The following SMARCA2 variants were observed in gnomAD, a reference collection of about 807,000 sequenced individuals.
SMARCA2 encodes the protein SWI/SNF-related matrix-associated actin-dependent regulator of chromatin subfamily A member 2.
A neutral mutation model predicts 199.8 loss-of-function variants in SMARCA2; 61 were observed. The ratio of observed to expected loss-of-function variants is 0.31; its 90% CI spans 0.25 to 0.38. The LOEUF (loss-of-function observed/expected upper bound fraction) is 0.38, where lower values mean the gene tolerates loss of function less well. Ranked by LOEUF, SMARCA2 falls within the 10% of genes least tolerant of loss-of-function variation. The pLI, the probability that SMARCA2 is intolerant of heterozygous loss-of-function variation, is 1.00. For missense variants in SMARCA2, 1,344 were observed against 2,012.2 expected (o/e 0.67, Z 6.35); for synonymous variants, 935 against 732.0 (o/e 1.28, Z -4.48).
At chr9:2,180,266 T>C (rs1197405657) in intron 29 of SMARCA2, among the ~76,000 whole-genome samples, 1 of 152,164 alleles carries the variant, frequency 6.6e-6, no homozygotes, top group Non-Finnish European at 1.5e-5. Context: ...GATGACCCAG[T>C]GTAGCAGAAA....
intron 3 of SMARCA2, among the ~76,000 whole-genome samples, chr9:2,034,303 GT>G (rs1338913576): frequency 6.6e-6 from 1 of 151,964 alleles, no homozygotes; most frequent in African/African-American, 2.4e-5. Flanking sequence ...GGTACTGGGG[GT>G]TAGGACTTCA....
In SMARCA2 at chr9:2,160,322, T is replaced by C. The variant is rs74835462; in HGVS notation, c.3982-1364T>C. 833 of 443,582 alleles carry C rather than the reference T, an allele frequency of 1.9e-3. 2 individuals carry two copies. The highest frequency in any genetic ancestry group is 8.4e-3 in the Middle Eastern group (14 of 1,674). The allele number at this position is 443,582 out of a possible 1,614,324, so 27.5% of individuals were successfully genotyped here. A position where few individuals can be genotyped will look rare whatever the true frequency, so the allele number is the denominator to read the frequency against. On this transcript the variant is annotated intron_variant, in intron 27 of 33. Transcript: ENST00000349721. ...CGTGATGGAAATTGTCTTTTGATTATTAAGGCCTAGGCTCAGACTGTCCCT... is the reference window on the plus strand; with the variant it reads ...CGTGATGGAAATTGTCTTTTGATTACTAAGGCCTAGGCTCAGACTGTCCCT...
chr9:2,191,777 G>C lies in SMARCA2; in HGVS notation c.4737+369G>C, dbSNP rs374779307. ...GTACATAACAGTAGATTAGATGGAA[G>C]AATGAGAAAAACTGTTATGACGTCA... On this transcript the variant is annotated intron_variant, in intron 33 of 33. Transcript: ENST00000349721. 4.1e-4 allele frequency: 66 copies of C among 160,948 alleles called. 1 individual carries two copies. The East Asian group carries it at 6.0e-3, about 15-fold the overall frequency. The allele number at this position is 160,948 out of a possible 1,614,324, so 10.0% of individuals were successfully genotyped here.
chr9:2,066,504 A>C (rs549175710), intron 9 of SMARCA2, among the ~76,000 whole-genome samples: 1 of 152,348 alleles, frequency 6.6e-6, no homozygotes, highest in African/African-American at 2.4e-5. Context: ...GGGAACACAC[A>C]CTGTCTTTAG....
intron 19 of SMARCA2, among the ~76,000 whole-genome samples, chr9:2,092,851 T>G (rs747114889): frequency 6.6e-6 from 1 of 152,180 alleles, no homozygotes; most frequent in Non-Finnish European, 1.5e-5. Flanking sequence ...ACCAGTATAT[T>G]TTGAGGAGCT....
At chr9:2,065,708 T>TA (rs1820810403) in intron 9 of SMARCA2, among the ~76,000 whole-genome samples, 1 of 152,200 alleles carries the variant, frequency 6.6e-6, no homozygotes, top group South Asian at 2.1e-4. Flanking sequence ...TCATTTTTTT[T>TA]AATCTCTTAC....
chr9:2,143,065 C>T (rs1320319019), intron 27 of SMARCA2, among the ~76,000 whole-genome samples: 1 of 151,974 alleles, frequency 6.6e-6, no homozygotes, highest in East Asian at 1.9e-4. Flanking sequence ...AATTAAACAA[C>T]CTGGATAAAA....
At position 2,039,626 on chromosome 9, in the gene SMARCA2, A is replaced by C; in HGVS notation, c.516A>C (p.Ser172=). 6.2e-7 allele frequency: 1 copy of C among 1,614,124 alleles called. No homozygotes were observed. Among genetic ancestry groups the C allele is most frequent in the Non-Finnish European group, 8.5e-7 (1 of 1,180,044 alleles). Residue 172 remains serine, a synonymous_variant, in exon 4 of 34, where the codon TCA becomes TCC. Transcript: ENST00000349721. This position sits in a 1 kb window ranked among gnomAD's most constrained non-coding sequence, Gnocchi z 4.8. Reference sequence around the variant, plus strand: ...TGAGCCAGCCCAACAGAGGTCCCTCACCTTTCAGTCCTGTCCAGCTGCATC... The same window carrying C: ...TGAGCCAGCCCAACAGAGGTCCCTCCCCTTTCAGTCCTGTCCAGCTGCATC... ...QAMSQPNRGP[S]PFSPVQLHQL...
At chr9:2,108,800 C>T (rs147097761) in intron 23 of SMARCA2, among the ~76,000 whole-genome samples, 1 of 152,330 alleles carries the variant, frequency 6.6e-6, no homozygotes, top group East Asian at 1.9e-4. Flanking sequence ...AAGAGCCCCA[C>T]ATTTGAAAGC....
rs1823352646 is a variant in SMARCA2, at chr9:2,119,393, CACTT to C, written c.3685-60_3685-57del. On this transcript the variant is annotated intron_variant, in intron 25 of 33. Transcript: ENST00000349721. This position sits in a 1 kb window ranked among gnomAD's most constrained non-coding sequence, Gnocchi z 4.6. The stretch of plus-strand genomic sequence containing the variant: ...GACCCCTCTGGTCTGGAGGACAGAT[CACTT>C]ACTTGTTTGTACCTTGCCCCAGCTG... 7.7e-6 allele frequency: 8 copies of C among 1,035,424 alleles called. No homozygotes were observed. Among genetic ancestry groups the C allele is most frequent in the South Asian group, 5.1e-5 (4 of 78,654 alleles). 64.1% of individuals were successfully genotyped at this position (1,035,424 alleles called of 1,614,324 possible). A position where few individuals can be genotyped will look rare whatever the true frequency, so the allele number is the denominator to read the frequency against.
chr9:2,089,356 G>A lies in SMARCA2; in HGVS notation c.2883+743G>A, dbSNP rs538238824. ...GTTTCATTCTCTTAGAGACAGTTTA[G>A]CATTGTGTACTATTTGTTGCATGAG... On this transcript the variant is annotated intron_variant, in intron 19 of 33. Transcript: ENST00000349721. Among the ~76,000 whole-genome samples, 5 of 152,224 alleles carry A rather than the reference G, an allele frequency of 3.3e-5. No homozygotes were observed. The South Asian group carries it at 1.0e-3, about 32-fold the overall frequency.
chr9:2,056,935 C>A lies in SMARCA2; in HGVS notation c.1347+90C>A. 1 of 1,193,568 alleles carries A rather than the reference C, an allele frequency of 8.4e-7. No individual in the cohort carries two copies. Among genetic ancestry groups the A allele is most frequent in the Non-Finnish European group, 1.2e-6 (1 of 843,248 alleles). The allele number at this position is 1,193,568 out of a possible 1,614,324, so 73.9% of individuals were successfully genotyped here. A position where few individuals can be genotyped will look rare whatever the true frequency, so the allele number is the denominator to read the frequency against. On this transcript the variant is annotated intron_variant, in intron 7 of 33. Transcript: ENST00000349721. The surrounding 1 kb of genome is among the most constrained non-coding windows in gnomAD (Gnocchi z 4.0). ...GGGGTCAGAATGACTGAAAAATGGA[C>A]CCTTGTGGGTGGTGGGGACATCACA...
At chr9:2,189,055 C>T (rs10811621) in intron 32 of SMARCA2, among the ~76,000 whole-genome samples, 14,836 of 152,216 alleles carry the variant, frequency 0.097, 784 homozygotes, top group East Asian at 0.19. Context: ...GATGATTAGA[C>T]TGGGCCCACC....
chr9:2,082,309 GTGT>G lies in SMARCA2; in HGVS notation c.2348+315_2348+317del, dbSNP rs758195438. On this transcript the variant is annotated intron_variant, in intron 15 of 33. Transcript: ENST00000349721. ...TAAGTGGCTCACAAAGGGGAAAGGT[GTGT>G]GTGTGTGTGTGTGTGTGTGTGTGTG... 0.01 allele frequency among the ~76,000 whole-genome samples: 365 copies of G among 35,458 alleles called. 1 individual carries two copies. In the East Asian group the frequency reaches 0.11, roughly 10 times the overall value. The allele number at this position is 35,458 out of a possible 152,430, so 23.3% of individuals were successfully genotyped here.
intron 1 of SMARCA2, among the ~76,000 whole-genome samples, chr9:2,026,456 G>A (rs1271548608): frequency 6.6e-6 from 1 of 152,160 alleles, no homozygotes; most frequent in African/African-American, 2.4e-5. Flanking sequence ...ATTTTTATGG[G>A]ACTATGTATG....
At chr9:2,019,624 C>T (rs1258836167) in intron 1 of SMARCA2, among the ~76,000 whole-genome samples, 3 of 150,932 alleles carry the variant, frequency 2.0e-5, no homozygotes, top group Non-Finnish European at 3.0e-5. Flanking sequence ...AAATTTTTTT[C>T]TTTTATTAAG....
At chr9:2,057,666 G>C (rs1039322345) in intron 7 of SMARCA2, among the ~76,000 whole-genome samples, 27 of 152,172 alleles carry the variant, frequency 1.8e-4, no homozygotes, top group African/African-American at 4.8e-4. Flanking sequence ...CTTTCTGGGG[G>C]TTTGGAAATA....
Position 2,115,744 on chromosome 9 carries a change from T to C in SMARCA2, c.3457-78T>C. On this transcript the variant is annotated intron_variant, in intron 24 of 33. Coordinates refer to ENST00000349721, the MANE Select transcript of SMARCA2 (RefSeq NM_003070.5). This position sits in a 1 kb window ranked among gnomAD's most constrained non-coding sequence, Gnocchi z 6.0. ...GTGAAATACAGAACCCTTCCATATTTCCCTCTGGGGTGGGGTCCGGTTTTG... is the reference window on the plus strand; with the variant it reads ...GTGAAATACAGAACCCTTCCATATTCCCCTCTGGGGTGGGGTCCGGTTTTG... 1 of 1,116,720 alleles carries C rather than the reference T, an allele frequency of 9.0e-7. No homozygotes were observed. The highest frequency in any genetic ancestry group is 1.3e-6 in the Non-Finnish European group (1 of 754,188). The allele number at this position is 1,116,720 out of a possible 1,614,324, so 69.2% of individuals were successfully genotyped here. A position where few individuals can be genotyped will look rare whatever the true frequency, so the allele number is the denominator to read the frequency against.
chr9:2,151,193 G>C (rs138103818), intron 27 of SMARCA2, among the ~76,000 whole-genome samples: 1 of 151,472 alleles, frequency 6.6e-6, no homozygotes, highest in Non-Finnish European at 1.5e-5. Flanking sequence ...TTGTTAGCGA[G>C]CGTCTGTTCA....
Sources: allele counts gnomAD v4.1 joint callset (sites outside exome capture counted in the v4.1 genomes callset), GRCh38; gene constraint gnomAD v4.1.1; non-coding constraint Gnocchi (gnomAD v3.1); transcripts MANE v1.5; gene names NCBI Gene and HGNC (gene_info 2026-07-23, HGNC 2026-07-21).